Variants in GALNT11 observed in about 807,000 individuals in gnomAD.
GALNT11 encodes polypeptide N-acetylgalactosaminyltransferase 11.
GALNT11 carries 47 observed loss-of-function variants against 72.7 expected under a neutral mutation model. That is an observed-to-expected ratio of 0.65 (90% CI 0.51 to 0.82). GALNT11 has a LOEUF of 0.82. GALNT11 is among the 40% of genes least tolerant of loss of function. The probability of loss-of-function intolerance (pLI) is 0.00; values close to 1 mark genes in which losing one functional copy is unlikely to be tolerated. For synonymous variants in GALNT11, 270 were observed against 286.6 expected, an observed-to-expected ratio of 0.94 and a Z score of 0.58; for missense variants, 677 against 778.4, an observed-to-expected ratio of 0.87 and a Z score of 1.55.
At chr7:152,030,662 C>G (rs936747841) in intron 1 of GALNT11, among the ~76,000 whole-genome samples, 1 of 152,176 alleles carries the variant, frequency 6.6e-6, no homozygotes, top group East Asian at 1.9e-4. Flanking sequence ...CTTTGTCTCT[C>G]TGAGTCCCTC....
intron 1 of GALNT11, among the ~76,000 whole-genome samples, chr7:152,088,312 A>G (rs942776154): frequency 2.6e-5 from 4 of 151,962 alleles, no homozygotes; most frequent in African/African-American, 9.7e-5. Flanking sequence ...AGATTTCCCT[A>G]TTTTTCCTAG....
At position 152,118,671 on chromosome 7, in the gene GALNT11, C is replaced by T. The variant is rs1235333521; in HGVS notation, c.1453-7C>T. On this transcript the variant is annotated splice_region_variant and splice_polypyrimidine_tract_variant and intron_variant, in intron 9 of 11. Transcript: ENST00000430044. ...TCCCACATTCTGAGCTGTGCCTTCT[C>T]TTACAGCTCTATCACCTCCAGACCA... 2.5e-6 allele frequency: 4 copies of T among 1,607,146 alleles called. No individual in the cohort carries two copies. Among genetic ancestry groups the T allele is most frequent in the Non-Finnish European group, 3.4e-6 (4 of 1,177,042 alleles).
intron 1 of GALNT11, among the ~76,000 whole-genome samples, chr7:152,049,114 T>G (rs1398609606): frequency 6.6e-6 from 1 of 152,126 alleles, no homozygotes; most frequent in Non-Finnish European, 1.5e-5. Flanking sequence ...TCTCCAAGAT[T>G]GGTTGCTGAT....
Position 152,036,333 on chromosome 7 carries a change from G to A in GALNT11, c.-39+10449G>A, listed in dbSNP as rs192974416. 6.2e-3 allele frequency among the ~76,000 whole-genome samples: 945 copies of A among 152,258 alleles called. 4 individuals are homozygous for A. Among genetic ancestry groups the A allele is most frequent in the African/African-American group, 0.018 (753 of 41,522 alleles). On this transcript the variant is annotated intron_variant, in intron 1 of 11. Transcript: ENST00000430044. Reference sequence around the variant, plus strand: ...TAGCTTCCACAAATAAGTGACAACAGGCAAAGTTTGTCATTCTGTGTACCT... The same window carrying A: ...TAGCTTCCACAAATAAGTGACAACAAGCAAAGTTTGTCATTCTGTGTACCT...
intron 1 of GALNT11, among the ~76,000 whole-genome samples, chr7:152,050,711 C>T (rs1386125891): frequency 6.6e-6 from 1 of 152,184 alleles, no homozygotes; most frequent in Non-Finnish European, 1.5e-5. Flanking sequence ...GAATTGCAGT[C>T]TTTGTGGTCT....
chr7:152,100,928 G>T lies in GALNT11; in HGVS notation c.419+7G>T. ...CAGACACAAGGAATGCAGCGTATGT[G>T]CCTTATCGGATTTGCAAATACATTT... On this transcript the variant is annotated splice_region_variant and intron_variant, in intron 3 of 11. Coordinates refer to ENST00000430044, the MANE Select transcript of GALNT11 (RefSeq NM_022087.4). The T allele has an allele frequency of 6.2e-7, 1 of 1,612,788 alleles. No individual in the cohort carries two copies. Among genetic ancestry groups the T allele is most frequent in the Non-Finnish European group, 8.5e-7 (1 of 1,179,420 alleles).
intron 1 of GALNT11, among the ~76,000 whole-genome samples, chr7:152,067,692 G>T (rs529897719): frequency 6.6e-6 from 1 of 152,184 alleles, no homozygotes; most frequent in Admixed American, 6.5e-5. Flanking sequence ...AAGGACTTCT[G>T]GTCCTTTTTT....
chr7:152,106,607 C>T (rs2087584477), intron 5 of GALNT11, among the ~76,000 whole-genome samples: 1 of 152,094 alleles, frequency 6.6e-6, no homozygotes, highest in South Asian at 2.1e-4. Context: ...AGTGAAAATC[C>T]TGGGGTATTT....
chr7:152,056,802 G>T (rs140265678), intron 1 of GALNT11, among the ~76,000 whole-genome samples: 1 of 151,856 alleles, frequency 6.6e-6, no homozygotes, highest in African/African-American at 2.4e-5. Flanking sequence ...GGTGTCAGGT[G>T]TCAGGGTTAA....
intron 6 of GALNT11, 122 bp from the exon 7 acceptor site, chr7:152,110,406 T>C (rs978484978): frequency 6.5e-6 from 5 of 772,772 alleles, no homozygotes; most frequent in Non-Finnish European, 8.9e-6. Flanking sequence ...ATAAAATGAT[T>C]CATAATCATT....
chr7:152,075,550 C>G (rs1393934150), intron 1 of GALNT11, among the ~76,000 whole-genome samples: 1 of 99,522 alleles, frequency 1.0e-5, no homozygotes, highest in African/African-American at 4.1e-5. Context: ...GCCCATAATC[C>G]CAGCACTTTG....
In GALNT11 at chr7:152,094,471, A is replaced by C. The variant is rs1210898570; in HGVS notation, c.244A>C (p.Ser82Arg). ...AAACAAAATTGACGATGTGATAGACAGTCGTGTTGAAGATCCAGAAGAAGG... is the reference window on the plus strand; with the variant it reads ...AAACAAAATTGACGATGTGATAGACCGTCGTGTTGAAGATCCAGAAGAAGG... ...KANKIDDVID[S>R]RVEDPEEGHL... Residue 82 changes from serine to arginine, a missense_variant, in exon 2 of 12, where the codon AGT (serine) becomes CGT (arginine). Ser to Arg is a moderately radical substitution (Grantham distance 110). Transcript: ENST00000430044. The surrounding 1 kb of genome is among the most constrained non-coding windows in gnomAD (Gnocchi z 4.3). The C allele has an allele frequency of 6.2e-7, 1 of 1,613,818 alleles. No individual in the cohort carries two copies. Among genetic ancestry groups the C allele is most frequent in the Non-Finnish European group, 8.5e-7 (1 of 1,179,822 alleles).
chr7:152,093,184 C>T (rs1028246846), intron 1 of GALNT11, among the ~76,000 whole-genome samples: 1 of 151,442 alleles, frequency 6.6e-6, no homozygotes, highest in East Asian at 2.0e-4. Context: ...AGCCAAGATC[C>T]CACCACTTTA....
At chr7:152,049,843 C>A (rs547117800) in intron 1 of GALNT11, among the ~76,000 whole-genome samples, 1 of 152,074 alleles carries the variant, frequency 6.6e-6, no homozygotes, top group South Asian at 2.1e-4. Context: ...CTTCCCAGTC[C>A]TCCCTCCCTT....
chr7:152,093,204 G>C (rs559436747), intron 1 of GALNT11, among the ~76,000 whole-genome samples: 1 of 151,278 alleles, frequency 6.6e-6, no homozygotes, highest in African/African-American at 2.4e-5. Context: ...ACTCCAGCCT[G>C]GGTGACAGAG....
At chr7:152,071,291 T>A (rs10265950) in intron 1 of GALNT11, among the ~76,000 whole-genome samples, 2 of 151,254 alleles carry the variant, frequency 1.3e-5, no homozygotes, top group African/African-American at 4.9e-5. Context: ...CACCTGGGGG[T>A]GCTGTTTATA....
chr7:152,073,150 T>G (rs7807427), intron 1 of GALNT11, among the ~76,000 whole-genome samples: 7,998 of 152,288 alleles, frequency 0.053, 357 homozygotes, highest in East Asian at 0.2. Context: ...TTCTTTGTGT[T>G]GGGAACATTC....
At chr7:152,112,494 G>A (rs371265659) in intron 7 of GALNT11, among the ~76,000 whole-genome samples, 3 of 151,270 alleles carry the variant, frequency 2.0e-5, no homozygotes, top group South Asian at 4.2e-4. Flanking sequence ...TGAGCCAAGC[G>A]CCACTGCACT....
intron 5 of GALNT11, among the ~76,000 whole-genome samples, chr7:152,106,785 A>T (rs997954366): frequency 1.3e-5 from 2 of 152,194 alleles, no homozygotes; most frequent in Non-Finnish European, 2.9e-5. Context: ...TTTGCATGGA[A>T]GTCATTGTTT....
Sources: allele counts gnomAD v4.1 joint callset (sites outside exome capture counted in the v4.1 genomes callset), GRCh38; gene constraint gnomAD v4.1.1; non-coding constraint Gnocchi (gnomAD v3.1); transcripts MANE v1.5; gene names NCBI Gene and HGNC (gene_info 2026-07-23, HGNC 2026-07-21).